The following KIF26B variants were observed in gnomAD, a reference collection of about 807,000 sequenced individuals.
KIF26B encodes the protein kinesin family member 26B.
A neutral mutation model predicts 151.2 loss-of-function variants in KIF26B; 63 were observed. That is an observed-to-expected ratio of 0.42 (90% CI 0.34 to 0.51). The LOEUF (loss-of-function observed/expected upper bound fraction) is 0.51, where lower values mean the gene tolerates loss of function less well. KIF26B is among the 20% of genes least tolerant of loss of function. The probability of loss-of-function intolerance (pLI) is 0.07; values close to 1 mark genes in which losing one functional copy is unlikely to be tolerated. For synonymous variants in KIF26B, 1,357 were observed against 1,262.1 expected, an observed-to-expected ratio of 1.08 and a Z score of -1.59; for missense variants, 2,813 against 2,913.6, an observed-to-expected ratio of 0.97 and a Z score of 0.79.
At chr1:245,590,096 G>A (rs2043270254) in intron 5 of KIF26B, among the ~76,000 whole-genome samples, 1 of 151,882 alleles carries the variant, frequency 6.6e-6, no homozygotes, top group Admixed American at 6.6e-5. Flanking sequence ...TTAACAATAA[G>A]CCGCCTCTGT....
intron 2 of KIF26B, among the ~76,000 whole-genome samples, chr1:245,325,985 C>T (rs185828561): frequency 3.4e-3 from 513 of 152,208 alleles, no homozygotes; most frequent in Non-Finnish European, 5.9e-3. Context: ...CAATGGGGAA[C>T]GTGAAAGCAA....
rs1306700720 is a variant in KIF26B at position 245,580,864 on chromosome 1, G to A, written c.1351-21713G>A. Among the ~76,000 whole-genome samples, 9 of 152,078 alleles carry A rather than the reference G, an allele frequency of 5.9e-5. No homozygotes were observed. The South Asian group carries it at 1.2e-3, about 21-fold the overall frequency. ...ATCCTGTTTGCTGTCCTCCTTCCTC[G>A]TTCTGCCCATGCTGTCATAATGGAT... On this transcript the variant is annotated intron_variant, in intron 5 of 14. Transcript: ENST00000407071.
intron 4 of KIF26B, among the ~76,000 whole-genome samples, chr1:245,467,566 C>T (rs1040094869): frequency 1.3e-5 from 2 of 152,166 alleles, no homozygotes; most frequent in Non-Finnish European, 2.9e-5. Context: ...TCCTAATGGG[C>T]CCCACCAGTC....
At chr1:245,351,896 A>G (rs988955461) in intron 2 of KIF26B, among the ~76,000 whole-genome samples, 1 of 152,218 alleles carries the variant, frequency 6.6e-6, no homozygotes, top group Non-Finnish European at 1.5e-5. Flanking sequence ...CCAATTAGAC[A>G]CTTAATAAGT....
chr1:245,414,397 C>T (rs80318940), intron 3 of KIF26B, among the ~76,000 whole-genome samples: 3,308 of 152,304 alleles, frequency 0.022, 130 homozygotes, highest in African/African-American at 0.075. Flanking sequence ...CTCCTGAGAA[C>T]CGGCTGGAGG....
intron 2 of KIF26B, chr1:245,206,401 C>T (rs145329362): frequency 6.6e-6 from 1 of 152,132 alleles, no homozygotes; most frequent in Non-Finnish European, 1.5e-5. Flanking sequence ...ATGTGATATG[C>T]CTTAAATTGA....
chr1:245,304,449 T>C (rs1331264784), intron 2 of KIF26B, among the ~76,000 whole-genome samples: 1 of 152,180 alleles, frequency 6.6e-6, no homozygotes, highest in Non-Finnish European at 1.5e-5. Context: ...CAAAATGCAG[T>C]TGGTATCATT....
At chr1:245,275,555 A>T (rs1337683127) in intron 2 of KIF26B, among the ~76,000 whole-genome samples, 1 of 152,208 alleles carries the variant, frequency 6.6e-6, no homozygotes, top group Non-Finnish European at 1.5e-5. Flanking sequence ...CTGGCTAGCC[A>T]GTTTTCCCAA....
chr1:245,468,425 G>A (rs1239088333), intron 4 of KIF26B, among the ~76,000 whole-genome samples: 1 of 152,144 alleles, frequency 6.6e-6, no homozygotes, highest in Non-Finnish European at 1.5e-5. Context: ...CATCACAAAA[G>A]AGGTAATTAC....
chr1:245,647,656 G>C (rs1294436970), intron 10 of KIF26B, among the ~76,000 whole-genome samples: 2 of 152,116 alleles, frequency 1.3e-5, no homozygotes, highest in African/African-American at 4.8e-5. Flanking sequence ...CGTTGCTGTT[G>C]TGTAGGAGGA....
At chr1:245,356,897 C>T (rs55678020) in intron 2 of KIF26B, among the ~76,000 whole-genome samples, 6,314 of 152,212 alleles carry the variant, frequency 0.041, 430 homozygotes, top group African/African-American at 0.14. Context: ...CCAGGAAGGC[C>T]TCGTTGAAAA....
intron 5 of KIF26B, among the ~76,000 whole-genome samples, chr1:245,581,937 G>GA (rs755721705): frequency 1.5e-3 from 222 of 151,508 alleles, no homozygotes; most frequent in Non-Finnish European, 2.8e-3. Flanking sequence ...AGGAAGGAAG[G>GA]AAGGAAGGAA....
intron 3 of KIF26B, among the ~76,000 whole-genome samples, chr1:245,387,755 C>T (rs893956178): frequency 6.6e-6 from 1 of 152,150 alleles, no homozygotes; most frequent in Non-Finnish European, 1.5e-5. Flanking sequence ...ATGCATGATA[C>T]CAGCAGCAGA....
chr1:245,615,924 G>A (rs937246493), intron 9 of KIF26B, among the ~76,000 whole-genome samples: 5 of 152,206 alleles, frequency 3.3e-5, no homozygotes, highest in Non-Finnish European at 7.3e-5. Flanking sequence ...TTACATATAA[G>A]TAATAATCCC....
In KIF26B at chr1:245,415,489, T is replaced by C. The variant is rs183924493; in HGVS notation, c.1000-4090T>C. 3.9e-5 allele frequency among the ~76,000 whole-genome samples: 6 copies of C among 152,210 alleles called. No homozygotes were observed. The East Asian group carries it at 7.7e-4, about 20-fold the overall frequency. Reference sequence around the variant, plus strand: ...CTTGGTAAGAAGTTATCCATCCAACTCAGCACTCCAAAGACCTGCATACCA... The same window carrying C: ...CTTGGTAAGAAGTTATCCATCCAACCCAGCACTCCAAAGACCTGCATACCA... On this transcript the variant is annotated intron_variant, in intron 3 of 14. Coordinates refer to ENST00000407071, the MANE Select transcript of KIF26B (RefSeq NM_018012.4).
chr1:245,437,747 C>T (rs1258403903), intron 4 of KIF26B, among the ~76,000 whole-genome samples: 1 of 152,204 alleles, frequency 6.6e-6, no homozygotes, highest in African/African-American at 2.4e-5. Context: ...ATTTCCTATA[C>T]ACCTGGAGCT....
Position 245,597,026 on chromosome 1 carries a change from G to T in KIF26B, c.1351-5551G>T, listed in dbSNP as rs1489222244. Among the ~76,000 whole-genome samples the T allele has an allele frequency of 2.0e-5, 3 of 152,082 alleles. No individual in the cohort carries two copies. Among genetic ancestry groups the T allele is most frequent in the African/African-American group, 7.2e-5 (3 of 41,406 alleles). ...CCATCCCTTTATTTTGAGGCTATGT[G>T]TGACTCAGATGGGTCTCCTGAATAC... On this transcript the variant is annotated intron_variant, in intron 5 of 14. Coordinates refer to ENST00000407071, the MANE Select transcript of KIF26B (RefSeq NM_018012.4). The surrounding 1 kb of genome is among the most constrained non-coding windows in gnomAD (Gnocchi z 4.6).
chr1:245,594,383 A>G (rs2103139241), intron 5 of KIF26B, among the ~76,000 whole-genome samples: 1 of 152,344 alleles, frequency 6.6e-6, no homozygotes, highest in African/African-American at 2.4e-5. Flanking sequence ...AGTTTTCTGC[A>G]TATGGCTAGC....
At chr1:245,464,177 C>T (rs1322372288) in intron 4 of KIF26B, among the ~76,000 whole-genome samples, 1 of 152,212 alleles carries the variant, frequency 6.6e-6, no homozygotes, top group African/African-American at 2.4e-5. Context: ...AAAAAATATG[C>T]TGGTCTCTGA....
Sources: allele counts gnomAD v4.1 joint callset (sites outside exome capture counted in the v4.1 genomes callset), GRCh38; gene constraint gnomAD v4.1.1; non-coding constraint Gnocchi (gnomAD v3.1); transcripts MANE v1.5; gene names NCBI Gene and HGNC (gene_info 2026-07-23, HGNC 2026-07-21).